Variants in ECPAS observed in about 807,000 individuals in gnomAD.
The protein encoded by ECPAS is proteasome adapter and scaffold protein ECM29.
Under a neutral mutation model 255.1 loss-of-function variants are expected in ECPAS, and 70 were observed. The observed-to-expected ratio is 0.27, with a 90% confidence interval of 0.23 to 0.33. The LOEUF is 0.33. Among genes scored for constraint, ECPAS ranks in the 10% least tolerant of loss-of-function variants. ECPAS has a pLI of 1.00. For missense variants in ECPAS, 1,817 were observed against 2,206.4 expected (o/e 0.82, Z 3.54); for synonymous variants, 784 against 775.0 (o/e 1.01, Z -0.19).
At chr9:111,390,778 G>A (rs569032444) in intron 29 of ECPAS, among the ~76,000 whole-genome samples, 12 of 152,328 alleles carry the variant, frequency 7.9e-5, no homozygotes, top group East Asian at 1.9e-4. Context: ...CTAACGATCC[G>A]TAGAAATAAA....
chr9:111,410,854 A>G, intron 22 of ECPAS, 126 bp downstream of exon 22: 1 of 1,005,496 alleles, frequency 9.9e-7, no homozygotes, highest in Non-Finnish European at 1.5e-6. Flanking sequence ...TTATCAAGTA[A>G]GTTTTTTGTG....
chr9:111,417,758 A>G, intron 17 of ECPAS, 125 bp downstream of exon 17: 1 of 973,874 alleles, frequency 1.0e-6, no homozygotes, highest in Non-Finnish European at 1.4e-6. Flanking sequence ...AAAAAAAAAA[A>G]GAAAAGAAAA....
In ECPAS at chr9:111,428,093, G is replaced by C. The variant is rs1264718784; in HGVS notation, c.999C>G (p.Pro333=). The part of the protein sequence containing the change: ...VSTRVKLKIV[P]HLLRSRQAAE... ...CAGCTTGTCTAGAGCGGAGGAGATG[G>C]GGGACAATCTTTAACTTGACTCTTG... The change falls in exon 10 of 50, where the codon CCC becomes CCG. Residue 333 remains proline, a synonymous_variant. Transcript: ENST00000684092. 2 of 1,613,386 alleles carry C rather than the reference G, an allele frequency of 1.2e-6. No homozygotes were observed. Among genetic ancestry groups the C allele is most frequent in the Non-Finnish European group, 1.7e-6 (2 of 1,179,680 alleles).
At chr9:111,374,328 C>A (rs547803620) in intron 38 of ECPAS, among the ~76,000 whole-genome samples, 1 of 152,264 alleles carries the variant, frequency 6.6e-6, no homozygotes, top group African/African-American at 2.4e-5. Flanking sequence ...GCTAACATTT[C>A]CATTTCCAGA....
At chr9:111,416,560 T>C (rs895810001) in intron 17 of ECPAS, among the ~76,000 whole-genome samples, 4 of 152,222 alleles carry the variant, frequency 2.6e-5, no homozygotes, top group African/African-American at 9.6e-5. Context: ...TTTTCCATGT[T>C]TGTTCTGGTT....
At chr9:111,380,643 T>C (rs2098139448) in intron 35 of ECPAS, among the ~76,000 whole-genome samples, 1 of 152,230 alleles carries the variant, frequency 6.6e-6, no homozygotes, top group Non-Finnish European at 1.5e-5. Flanking sequence ...TCCTACATGG[T>C]ATCTTTTGCC....
intron 1 of ECPAS, chr9:111,483,891 T>G: frequency 7.1e-6 from 4 of 561,442 alleles, no homozygotes; most frequent in Non-Finnish European, 9.0e-6. Context: ...CGGTTTTATA[T>G]TTAGAAAGAG....
chr9:111,372,283 C>T, intron 42 of ECPAS, 146 bp downstream of exon 42: 1 of 764,036 alleles, frequency 1.3e-6, no homozygotes, highest in South Asian at 1.8e-5. Flanking sequence ...ATGGGATGAG[C>T]AATTTGGATG....
chr9:111,408,997 T>C (rs1451738299), intron 23 of ECPAS, among the ~76,000 whole-genome samples: 1 of 152,174 alleles, frequency 6.6e-6, no homozygotes, highest in Non-Finnish European at 1.5e-5. Flanking sequence ...ATCTCAACCA[T>C]TTCAGCCTAT....
chr9:111,388,355 C>A (rs2098153725), intron 31 of ECPAS, among the ~76,000 whole-genome samples: 1 of 148,134 alleles, frequency 6.8e-6, no homozygotes, highest in Non-Finnish European at 1.5e-5. Context: ...CACTGGCCTA[C>A]TAGATCTTGG....
chr9:111,458,910 CA>C (rs2098270047), intron 2 of ECPAS, among the ~76,000 whole-genome samples: 1 of 152,144 alleles, frequency 6.6e-6, no homozygotes, highest in African/African-American at 2.4e-5. Flanking sequence ...TCTATAAAAC[CA>C]TAACCATAAA....
chr9:111,475,315 G>A (rs957294394), intron 1 of ECPAS, among the ~76,000 whole-genome samples: 2 of 152,348 alleles, frequency 1.3e-5, no homozygotes, highest in South Asian at 2.1e-4. Flanking sequence ...AACCATCTGA[G>A]AACACTGGCA....
intron 20 of ECPAS, among the ~76,000 whole-genome samples, chr9:111,413,128 A>G (rs1038543655): frequency 1.3e-5 from 2 of 152,204 alleles, no homozygotes; most frequent in African/African-American, 2.4e-5. Context: ...GGCATTACCT[A>G]TGAAAATTAC....
At chr9:111,414,873 A>C (rs1273642779) in intron 18 of ECPAS, among the ~76,000 whole-genome samples, 2 of 152,240 alleles carry the variant, frequency 1.3e-5, no homozygotes, top group Non-Finnish European at 2.9e-5. Flanking sequence ...ATACAAACTG[A>C]ACTTTTAAAG....
rs768902623 is a variant in ECPAS, at chr9:111,366,620, A to G, written c.5121T>C (p.Tyr1707=). ...WPRNAETQRC[Y]RQELCKLMCE... is the part of the protein sequence containing the mutation. ...ACATCAGTTTGCACAGCTCCTGACG[A>G]TAACAACCTGGGAAAAAAAGACAAG... The change falls in exon 47 of 50, where the codon TAT becomes TAC. Residue 1707 remains tyrosine (Y), a synonymous_variant. Transcript: ENST00000684092. 5 of 1,611,914 alleles carry G rather than the reference A, an allele frequency of 3.1e-6. No homozygotes were observed. Among genetic ancestry groups the G allele is most frequent in the South Asian group, 1.1e-5 (1 of 90,988 alleles).
intron 2 of ECPAS, among the ~76,000 whole-genome samples, chr9:111,470,701 C>G (rs1247754974): frequency 6.6e-6 from 1 of 150,774 alleles, no homozygotes; most frequent in East Asian, 1.9e-4. Context: ...TTGCTTACCA[C>G]CCCGCACCCA....
intron 2 of ECPAS, among the ~76,000 whole-genome samples, chr9:111,466,045 T>C (rs1589231853): frequency 6.8e-6 from 1 of 148,048 alleles, no homozygotes; most frequent in Admixed American, 6.7e-5. Context: ...AAAAAAAAAG[T>C]ATACAGAGCA....
In ECPAS at chr9:111,433,261, C is replaced by T. The variant is rs898384564; in HGVS notation, c.820G>A (p.Ala274Thr). 19 of 1,613,996 alleles carry T rather than the reference C, an allele frequency of 1.2e-5. No homozygotes were observed. Among genetic ancestry groups the T allele is most frequent in the Non-Finnish European group, 1.4e-5 (16 of 1,179,850 alleles). Residue 274 changes from alanine to threonine, a missense_variant, in exon 8 of 50, where the codon GCA becomes ACA. Transcript: ENST00000684092. ...TGTTTGCTTTTCAATTCCAGGTCTG[C>T]TGCCGTTGCCACACTGTGGCGTGTA... Reference protein sequence around the residue: ...SDTRHSVATAADLELKSKQSL... With the variant: ...SDTRHSVATATDLELKSKQSL...
At chr9:111,444,238 T>TAAAA in intron 4 of ECPAS, 140 bp downstream of exon 4, 10 of 498,380 alleles carry the variant, frequency 2.0e-5, no homozygotes, top group South Asian at 5.9e-5. Flanking sequence ...GTGTGTCATT[T>TAAAA]AAAAAAAAAA....
Sources: allele counts gnomAD v4.1 joint callset (sites outside exome capture counted in the v4.1 genomes callset), GRCh38; gene constraint gnomAD v4.1.1; transcripts MANE v1.5; gene names NCBI Gene and HGNC (gene_info 2026-07-23, HGNC 2026-07-21).